The following ETFBKMT variants were observed in gnomAD, a reference collection of about 807,000 sequenced individuals.
The protein encoded by ETFBKMT is electron transfer flavoprotein subunit beta lysine methyltransferase, also known as electron transfer flavoprotein beta subunit lysine methyltransferase.
ETFBKMT carries 13 observed loss-of-function variants against 18.3 expected under a neutral mutation model. The ratio of observed to expected loss-of-function variants is 0.71; its 90% CI spans 0.46 to 1.13. ETFBKMT has a LOEUF of 1.13. Ranked by LOEUF, ETFBKMT falls within the 50% of genes most tolerant of loss-of-function variation. ETFBKMT has a pLI of 0.00. For synonymous variants in ETFBKMT, 84 were observed against 107.9 expected, an observed-to-expected ratio of 0.78 and a Z score of 1.37; for missense variants, 293 against 306.2, an observed-to-expected ratio of 0.96 and a Z score of 0.32.
At chr12:31,658,091 C>A (rs1316705325), upstream of ETFBKMT, among the ~76,000 whole-genome samples, 1 of 152,160 alleles carries the variant, frequency 6.6e-6, no homozygotes, top group Non-Finnish European at 1.5e-5. Context: ...TTAGCCTGTT[C>A]GTTCTGGTTT....
intron 1 of ETFBKMT, among the ~76,000 whole-genome samples, chr12:31,652,127 T>A (rs775246311): frequency 2.6e-5 from 4 of 152,186 alleles, no homozygotes; most frequent in Non-Finnish European, 5.9e-5. Context: ...CAAACCAATC[T>A]ATGAGCCCTA....
chr12:31,659,082 C>T (rs1249188030), upstream of ETFBKMT: 1 of 152,230 alleles, frequency 6.6e-6, no homozygotes, highest in Admixed American at 6.5e-5. Context: ...ACAGATTTAA[C>T]GTTCCCTTAT....
upstream of ETFBKMT, among the ~76,000 whole-genome samples, chr12:31,654,336 C>T (rs1951042312): frequency 2.0e-5 from 3 of 152,250 alleles, no homozygotes; most frequent in Admixed American, 2.0e-4. Flanking sequence ...AGGCATGAGC[C>T]ATGGTGCCCA....
upstream of ETFBKMT, among the ~76,000 whole-genome samples, chr12:31,656,767 G>A (rs139532365): frequency 7.2e-5 from 11 of 152,274 alleles, no homozygotes; most frequent in African/African-American, 1.4e-4. Context: ...CTCCAATGGC[G>A]GTTTCCTTGT....
intron 1 of ETFBKMT, among the ~76,000 whole-genome samples, chr12:31,648,525 C>A (rs1166240254): frequency 7.1e-6 from 1 of 139,890 alleles, no homozygotes; most frequent in Non-Finnish European, 1.5e-5. Flanking sequence ...CCATGCCCAG[C>A]TAATTTTTAT....
At position 31,671,984 on chromosome 12, in the gene ETFBKMT, T is replaced by G. The variant is rs1315565208; in HGVS notation, c.*3994T>G. ...AATACCTACATAGGAGAAGGAAATC[T>G]CAAGGGAAAACAGTTAATTTTAAAG... On this transcript the variant is annotated 3_prime_UTR_variant, in exon 4 of 4. Coordinates refer to ENST00000357721, the MANE Select transcript of ETFBKMT (RefSeq NM_001135863.2). 1 of 205,138 alleles carries G rather than the reference T, an allele frequency of 4.9e-6. No individual in the cohort carries two copies. The highest frequency in any genetic ancestry group is 2.3e-5 in the African/African-American group (1 of 43,028). 12.7% of individuals were successfully genotyped at this position (205,138 alleles called of 1,614,324 possible). A position where few individuals can be genotyped will look rare whatever the true frequency, so the allele number is the denominator to read the frequency against.
upstream of ETFBKMT, among the ~76,000 whole-genome samples, chr12:31,656,094 G>A (rs1321526787): frequency 6.6e-6 from 1 of 152,170 alleles, no homozygotes; most frequent in African/African-American, 2.4e-5. Flanking sequence ...GAGTGTCTGT[G>A]CCAGAGGCTA....
chr12:31,648,292 AATG>A (rs1249554597), intron 1 of ETFBKMT, among the ~76,000 whole-genome samples: 1 of 152,182 alleles, frequency 6.6e-6, no homozygotes, highest in Non-Finnish European at 1.5e-5. Flanking sequence ...CCTTATATAA[AATG>A]ATGTAGTATT....
intron 1 of ETFBKMT, among the ~76,000 whole-genome samples, chr12:31,648,924 G>A (rs1259468753): frequency 6.6e-6 from 1 of 151,580 alleles, no homozygotes; most frequent in African/African-American, 2.4e-5. Context: ...TGATCCGCCT[G>A]CCTCAGCCTC....
chr12:31,661,634 T>C (rs1951125284), intron 1 of ETFBKMT, among the ~76,000 whole-genome samples: 1 of 152,158 alleles, frequency 6.6e-6, no homozygotes, highest in African/African-American at 2.4e-5. Flanking sequence ...TAATTTTTTG[T>C]ATTTTTAGTA....
At chr12:31,653,026 C>T (rs1414818451) in intron 1 of ETFBKMT, among the ~76,000 whole-genome samples, 1 of 152,166 alleles carries the variant, frequency 6.6e-6, no homozygotes, top group African/African-American at 2.4e-5. Flanking sequence ...CTGGGCAACA[C>T]GGTGAAATCT....
rs1951267760 is a variant in ETFBKMT at position 31,671,372 on chromosome 12, T to C, written c.*3382T>C. The stretch of plus-strand genomic sequence containing the variant: ...AGAAAGTTAGCATACTTACCCCGTT[T>C]TTCACTACATCAGAGGCAAAATAAG... On this transcript the variant is annotated 3_prime_UTR_variant, in exon 4 of 4. Transcript: ENST00000357721. 6.6e-6 allele frequency: 1 copy of C among 152,172 alleles called. No individual in the cohort carries two copies. Among genetic ancestry groups the C allele is most frequent in the Non-Finnish European group, 1.5e-5 (1 of 68,030 alleles). The allele number at this position is 152,172 out of a possible 1,614,324, so 9.4% of individuals were successfully genotyped here.
chr12:31,661,540 A>C (rs1951123648), intron 1 of ETFBKMT, among the ~76,000 whole-genome samples: 1 of 151,690 alleles, frequency 6.6e-6, no homozygotes, highest in Admixed American at 6.6e-5. Flanking sequence ...CAATGGTGCG[A>C]TCTCGGCACA....
In ETFBKMT at chr12:31,662,140, C is replaced by T; in HGVS notation, c.187C>T (p.Leu63Phe). 6.2e-7 allele frequency: 1 copy of T among 1,614,218 alleles called. No individual in the cohort carries two copies. The highest frequency in any genetic ancestry group is 1.1e-5 in the South Asian group (1 of 91,086). Residue 63 changes from leucine to phenylalanine, a missense_variant, in exon 2 of 4, where the codon CTC (leucine) becomes TTC (phenylalanine). By Grantham distance (22) the Leu-to-Phe change is conservative. Transcript: ENST00000357721. ...ENTEVTSSGS[L>F]TPEIQLRLLT... ...CACTGAAGTCACCAGCAGTGGTAGCCTCACCCCTGAAATCCAGTTGCGGCT... is the reference window on the plus strand; with the variant it reads ...CACTGAAGTCACCAGCAGTGGTAGCTTCACCCCTGAAATCCAGTTGCGGCT...
At chr12:31,656,732 T>C (rs926504060), upstream of ETFBKMT, among the ~76,000 whole-genome samples, 2 of 152,242 alleles carry the variant, frequency 1.3e-5, no homozygotes, top group African/African-American at 4.8e-5. Flanking sequence ...TCTCCATTAT[T>C]GTTTGCTTGG....
Position 31,653,208 on chromosome 12 carries a change from CA to C in ETFBKMT, c.-114+5971del, listed in dbSNP as rs33928613. ...TGGGCTATGCAGCGAGACTCCGTCT[CA>C]AAAAAAAAAAAAAAAAAGGTACCAG... On this transcript the variant is annotated intron_variant, in intron 1 of 3. Coordinates refer to the ETFBKMT transcript ENST00000412352. Among the ~76,000 whole-genome samples the C allele has an allele frequency of 9.2e-3, 879 of 95,372 alleles. 1 individual carries two copies. The highest frequency in any genetic ancestry group is 0.015 in the African/African-American group (343 of 23,440). 62.6% of individuals were successfully genotyped at this position (95,372 alleles called of 152,430 possible).
upstream of ETFBKMT, among the ~76,000 whole-genome samples, chr12:31,655,745 C>A (rs7135907): frequency 0.93 from 141,952 of 152,264 alleles, 66,999 homozygotes; most frequent in East Asian, 1. Flanking sequence ...TCTCTTAAAG[C>A]AATGTGTAAA....
Position 31,668,266 on chromosome 12 carries a change from C to T in ETFBKMT, c.*276C>T. 3.3e-6 allele frequency: 1 copy of T among 305,904 alleles called. No homozygotes were observed. Among genetic ancestry groups the T allele is most frequent in the Non-Finnish European group, 6.0e-6 (1 of 167,284 alleles). The allele number at this position is 305,904 out of a possible 1,614,324, so 18.9% of individuals were successfully genotyped here. Reference sequence around the variant, plus strand: ...TATACAATGCCATACTCAATGGTGGCAGCATTTAATTTAAGTAATGGAGAA... The same window carrying T: ...TATACAATGCCATACTCAATGGTGGTAGCATTTAATTTAAGTAATGGAGAA... On this transcript the variant is annotated 3_prime_UTR_variant, in exon 4 of 4. Coordinates refer to ENST00000357721, the MANE Select transcript of ETFBKMT (RefSeq NM_001135863.2).
At chr12:31,667,031 A>G (rs1419997072) in intron 3 of ETFBKMT, among the ~76,000 whole-genome samples, 2 of 135,600 alleles carry the variant, frequency 1.5e-5, no homozygotes, top group African/African-American at 2.8e-5. Flanking sequence ...GTCTCACTCT[A>G]TTGCCCAGGC....
Sources: gnomAD v4.1 joint callset for allele counts (sites outside exome capture counted in the v4.1 genomes callset) on GRCh38, gnomAD v4.1.1 for gene constraint, MANE v1.5 for transcripts, NCBI Gene and HGNC (gene_info 2026-07-23, HGNC 2026-07-21) for gene names.